Variants in PARN observed in about 807,000 individuals in gnomAD.
PARN encodes poly(A)-specific ribonuclease, also known as poly(A)-specific ribonuclease PARN.
PARN carries 71 observed loss-of-function variants against 102.8 expected under a neutral mutation model. The ratio of observed to expected loss-of-function variants is 0.69; its 90% CI spans 0.57 to 0.84. The LOEUF (loss-of-function observed/expected upper bound fraction) is 0.84. Ranked by LOEUF, PARN falls within the 40% of genes least tolerant of loss-of-function variation. The pLI, the probability that PARN is intolerant of heterozygous loss-of-function variation, is 0.00. For missense variants in PARN, 782 were observed against 760.9 expected, an observed-to-expected ratio of 1.03 and a Z score of -0.33; for synonymous variants, 261 against 252.9, an observed-to-expected ratio of 1.03 and a Z score of -0.30.
At chr16:14,619,494 G>C (rs1038991390) in intron 5 of PARN, among the ~76,000 whole-genome samples, 3 of 152,066 alleles carry the variant, frequency 2.0e-5, no homozygotes, top group African/African-American at 7.2e-5. Context: ...GCTGGGTGCA[G>C]TGGCTCACAC....
chr16:14,573,618 T>C (rs967728037), intron 18 of PARN, among the ~76,000 whole-genome samples: 8 of 152,230 alleles, frequency 5.3e-5, no homozygotes, highest in Admixed American at 2.6e-4. Context: ...CCAAATCTTA[T>C]CTTGAATTGT....
chr16:14,467,927 T>A (rs1388265678), intron 22 of PARN, among the ~76,000 whole-genome samples: 1 of 152,226 alleles, frequency 6.6e-6, no homozygotes, highest in East Asian at 1.9e-4. Context: ...TCCTGCTCAT[T>A]CATTTATTTA....
chr16:14,479,983 A>G (rs1380964000), intron 22 of PARN, among the ~76,000 whole-genome samples: 1 of 151,468 alleles, frequency 6.6e-6, no homozygotes, highest in Non-Finnish European at 1.5e-5. Flanking sequence ...TTGGGGGAGG[A>G]GGGGATTCAC....
intron 21 of PARN, among the ~76,000 whole-genome samples, chr16:14,489,714 A>T (rs1963955414): frequency 6.6e-6 from 1 of 152,230 alleles, no homozygotes; most frequent in South Asian, 2.1e-4. Flanking sequence ...GGTTGAAACC[A>T]GTTTATTGTA....
chr16:14,526,255 C>G (rs1452850950), intron 21 of PARN, among the ~76,000 whole-genome samples: 1 of 151,456 alleles, frequency 6.6e-6, no homozygotes, highest in Non-Finnish European at 1.5e-5. Flanking sequence ...CGGCTCACTG[C>G]AAGCTCCGCC....
chr16:14,614,349 A>T (rs1320458349), intron 6 of PARN, among the ~76,000 whole-genome samples: 1 of 152,156 alleles, frequency 6.6e-6, no homozygotes. Context: ...CTAAAGAGAG[A>T]TAGAAAGATG....
intron 5 of PARN, among the ~76,000 whole-genome samples, chr16:14,624,080 T>C (rs1455459503): frequency 6.6e-6 from 1 of 152,184 alleles, no homozygotes. Context: ...TGTCAGCCCA[T>C]TCCTCCACAT....
At chr16:14,592,628 C>A (rs990711456) in intron 13 of PARN, among the ~76,000 whole-genome samples, 1 of 152,112 alleles carries the variant, frequency 6.6e-6, no homozygotes, top group African/African-American at 2.4e-5. Context: ...CTAGCAAGGG[C>A]GATCAAGAAT....
In PARN at chr16:14,502,274, T is replaced by C. The variant is rs1393144044; in HGVS notation, c.1481-19447A>G. On this transcript the variant is annotated intron_variant, in intron 21 of 23. Transcript: ENST00000437198. Reference sequence around the variant, plus strand: ...TAGTTAAAATTACCCTTGAAACTTCTTTCTTCACACTGGAGAACATGCGTC... The same window carrying C: ...TAGTTAAAATTACCCTTGAAACTTCCTTCTTCACACTGGAGAACATGCGTC... 2.6e-5 allele frequency among the ~76,000 whole-genome samples: 4 copies of C among 152,234 alleles called. No individual in the cohort carries two copies. In the East Asian group the frequency reaches 7.7e-4, roughly 29 times the overall value.
Position 14,450,999 on chromosome 16 carries a change from A to G in PARN, c.1671-3918T>C, listed in dbSNP as rs558662086. ...AACTCCGACTCTCCACTATAAACCT[A>G]AATTTAAACTGCTTGGCACAGCATC... On this transcript the variant is annotated intron_variant, in intron 22 of 23. Transcript: ENST00000437198. Among the ~76,000 whole-genome samples, 3 of 152,272 alleles carry G rather than the reference A, an allele frequency of 2.0e-5. No individual in the cohort carries two copies. The South Asian group carries it at 6.2e-4, about 32-fold the overall frequency.
At chr16:14,533,471 G>C (rs1966471146) in intron 21 of PARN, among the ~76,000 whole-genome samples, 2 of 122,674 alleles carry the variant, frequency 1.6e-5, no homozygotes, top group African/African-American at 2.9e-5. Flanking sequence ...GAGGGAGAGG[G>C]AGAGGGAGAG....
intron 21 of PARN, among the ~76,000 whole-genome samples, chr16:14,513,834 T>C (rs1965322490): frequency 6.6e-6 from 1 of 152,226 alleles, no homozygotes; most frequent in African/African-American, 2.4e-5. Context: ...CCGTTTACCC[T>C]GTTCTGCCCT....
chr16:14,486,889 A>T (rs548679542), intron 21 of PARN, among the ~76,000 whole-genome samples: 2 of 152,374 alleles, frequency 1.3e-5, no homozygotes, highest in South Asian at 2.1e-4. Flanking sequence ...ATTCAAGGCA[A>T]TCTATCGGTC....
chr16:14,601,725 C>A (rs903930678), intron 11 of PARN: 1 of 151,820 alleles, frequency 6.6e-6, no homozygotes, highest in Admixed American at 6.6e-5. Context: ...GAGTTCAAGA[C>A]CTGCCTGGCC....
At chr16:14,476,372 T>C (rs1963052358) in intron 22 of PARN, among the ~76,000 whole-genome samples, 1 of 152,202 alleles carries the variant, frequency 6.6e-6, no homozygotes, top group Non-Finnish European at 1.5e-5. Context: ...TCAATAGCCA[T>C]GTGGTTAATG....
Position 14,446,968 on chromosome 16 carries a change from T to C in PARN, c.1784A>G (p.Asp595Gly). The C allele has an allele frequency of 6.2e-7, 1 of 1,613,842 alleles. No individual in the cohort carries two copies. The change falls in exon 23 of 24, where the codon GAT becomes GGT. Residue 595 changes from aspartate to glycine, a missense_variant. Asp to Gly is a moderately conservative substitution (Grantham distance 94). Transcript: ENST00000437198. ...CTCTGAGAGGGGCTCTGCACAGGAA[T>C]CGGTCTGCTCAAGCTCAGTGTCGGA... Reference protein sequence around the residue: ...EISDTELEQTDSCAEPLSEGR... With the variant: ...EISDTELEQTGSCAEPLSEGR...
At chr16:14,590,011 G>A (rs1271407316) in intron 13 of PARN, among the ~76,000 whole-genome samples, 1 of 151,982 alleles carries the variant, frequency 6.6e-6, no homozygotes. Context: ...AGTACTTTGG[G>A]AGGCAGAGGC....
At chr16:14,619,502 C>A (rs1972152943) in intron 5 of PARN, among the ~76,000 whole-genome samples, 1 of 151,998 alleles carries the variant, frequency 6.6e-6, no homozygotes, top group African/African-American at 2.4e-5. Context: ...CAGTGGCTCA[C>A]ACCTGTAATC....
chr16:14,462,343 A>G (rs1263206484), intron 22 of PARN, among the ~76,000 whole-genome samples: 1 of 152,202 alleles, frequency 6.6e-6, no homozygotes, highest in Non-Finnish European at 1.5e-5. Context: ...ATGAAAGACA[A>G]TAGAAGGGAA....
Sources: gnomAD v4.1 joint callset for allele counts (sites outside exome capture counted in the v4.1 genomes callset) on GRCh38, gnomAD v4.1.1 for gene constraint, MANE v1.5 for transcripts, NCBI Gene and HGNC (gene_info 2026-07-23, HGNC 2026-07-21) for gene names.